MPV17L2: variants seen among roughly 807,000 people sequenced by gnomAD.
MPV17L2 encodes the protein mpv17-like protein 2.
In MPV17L2, 25 loss-of-function variants were observed where a neutral mutation model predicts 24.2. The observed-to-expected ratio is 1.03, with a 90% confidence interval of 0.75 to 1.44. The LOEUF is 1.44. Among genes scored for constraint, MPV17L2 ranks in the 40% most tolerant of loss-of-function variants. MPV17L2 has a pLI of 0.00. For synonymous variants in MPV17L2, 130 were observed against 121.4 expected (o/e 1.07, Z -0.46); for missense variants, 271 against 276.2 (o/e 0.98, Z 0.13).
In MPV17L2 at chr19:18,196,617, T is replaced by A; in HGVS notation, c.*562T>A. 1 of 410,032 alleles carries A rather than the reference T, an allele frequency of 2.4e-6. No homozygotes were observed. The highest frequency in any genetic ancestry group is 4.4e-6 in the Non-Finnish European group (1 of 229,754). The allele number at this position is 410,032 out of a possible 1,614,324, so 25.4% of individuals were successfully genotyped here. On this transcript the variant is annotated 3_prime_UTR_variant, in exon 5 of 5. Coordinates refer to ENST00000599612, the MANE Select transcript of MPV17L2 (RefSeq NM_032683.3). ...GGCTGGGCGCAGTGGCTCCCACCTGTAATCTCAGCCCTTCCCGAGGCTGAG... is the reference window on the plus strand; with the variant it reads ...GGCTGGGCGCAGTGGCTCCCACCTGAAATCTCAGCCCTTCCCGAGGCTGAG...
At chr19:18,195,791 C>T (rs764536947) in intron 4 of MPV17L2, among the ~76,000 whole-genome samples, 5 of 152,202 alleles carry the variant, frequency 3.3e-5, no homozygotes, top group Non-Finnish European at 5.9e-5. Context: ...GAGCCGAGAT[C>T]GCGCCACTGC....
chr19:18,193,508 C>A, intron 1 of MPV17L2, 40 bp downstream of exon 1: 1 of 1,439,282 alleles, frequency 6.9e-7, no homozygotes. Context: ...CCCCGGGCGA[C>A]CTTTGATCCC....
chr19:18,195,591 TG>T (rs926140859), intron 4 of MPV17L2, among the ~76,000 whole-genome samples: 3 of 150,210 alleles, frequency 2.0e-5, no homozygotes, highest in African/African-American at 7.4e-5. Context: ...CCCAGCACTT[TG>T]GGAGGCCGAG....
chr19:18,196,020 C>G lies in MPV17L2; in HGVS notation c.586C>G (p.Pro196Ala), dbSNP rs369708712. 169 of 1,612,826 alleles carry G rather than the reference C, an allele frequency of 1.0e-4. 1 individual carries two copies. The East Asian group carries it at 2.6e-3, about 25-fold the overall frequency. Residue 196 changes from proline to alanine, a missense_variant, in exon 5 of 5, where the codon CCA (proline) becomes GCA (alanine). Pro to Ala is a conservative substitution (Grantham distance 27, BLOSUM62 -1). Coordinates refer to ENST00000599612, the MANE Select transcript of MPV17L2 (RefSeq NM_032683.3). ...ACAGAGCCCAGTTCCTCTGACACCC[C>G]CAGGCTGTGTGGCCCTGGACACCCG... ...KYRSPVPLTP[P>A]GCVALDTRAD
chr19:18,193,559 A>C (rs1463824365), intron 1 of MPV17L2, 91 bp downstream of exon 1: 46 of 1,411,950 alleles, frequency 3.3e-5, no homozygotes, highest in Non-Finnish European at 4.1e-5. Context: ...CCGTGGCCTC[A>C]GTCCCCCGCA....
At position 18,193,942 on chromosome 19, in the gene MPV17L2, C is replaced by T. The variant is rs753746074; in HGVS notation, c.266C>T (p.Ala89Val). ...WYLSLDRLFPASGLRGFPNVL... is the reference protein window; with the variant it reads ...WYLSLDRLFPVSGLRGFPNVL... ...TTGTCGCTGGACCGCCTATTCCCTG[C>T]GTCTGGCCTCCGAGGCTTCCCAAAT... is the stretch of plus-strand genomic sequence containing the variant. Residue 89 changes from alanine to valine, a missense_variant, in exon 2 of 5, where the codon GCG (alanine) becomes GTG (valine). Transcript: ENST00000599612. 1.9e-6 allele frequency: 3 copies of T among 1,614,234 alleles called. No individual in the cohort carries two copies. The highest frequency in any genetic ancestry group is 2.5e-6 in the Non-Finnish European group (3 of 1,180,036).
At position 18,196,224 on chromosome 19, in the gene MPV17L2, TGA is replaced by T; in HGVS notation, c.*171_*172del. ...CCCTTTCCAAGCTCACTTCTGGGAC[TGA>T]GTTTCCTCAACCGGAACACACCCAT... On this transcript the variant is annotated 3_prime_UTR_variant, in exon 5 of 5. Transcript: ENST00000599612. 1.3e-6 allele frequency: 2 copies of T among 1,532,336 alleles called. No homozygotes were observed. Among genetic ancestry groups the T allele is most frequent in the Non-Finnish European group, 1.7e-6 (2 of 1,143,892 alleles). The allele number at this position is 1,532,336 out of a possible 1,614,324, so 94.9% of individuals were successfully genotyped here.
In MPV17L2 at chr19:18,193,287, G is replaced by T; in HGVS notation, c.6G>T (p.Ala2=). The T allele has an allele frequency of 6.5e-7, 1 of 1,539,910 alleles. No individual in the cohort carries two copies. ...TTCCTTGGTTCCTGAGGGCGATGGC[G>T]CGGGGTGGCTGGCGCCGGCTACGCC... M[A]RGGWRRLRRL... is the part of the protein sequence containing the mutation. Residue 2 remains alanine, a synonymous_variant, in exon 1 of 5, where the codon GCG becomes GCT. Transcript: ENST00000599612.
intron 2 of MPV17L2, among the ~76,000 whole-genome samples, 155 bp from the exon 3 acceptor site, chr19:18,194,622 T>C (rs1967477739): frequency 6.6e-6 from 1 of 152,202 alleles, no homozygotes; most frequent in South Asian, 2.1e-4. Flanking sequence ...CCTAATTCTC[T>C]GTCCATCCCA....
Position 18,193,371 on chromosome 19 carries a change from G to A in MPV17L2, c.90G>A (p.Thr30=), listed in dbSNP as rs746796763. ...FQGRALLVTN[T]LGCGALMAAG... ...GCCGCGCGCTGCTCGTCACTAACACGCTGGGCTGCGGCGCGCTCATGGCGG... is the reference window on the plus strand; with the variant it reads ...GCCGCGCGCTGCTCGTCACTAACACACTGGGCTGCGGCGCGCTCATGGCGG... Residue 30 remains threonine (T), a synonymous_variant, in exon 1 of 5, where the codon ACG becomes ACA. Coordinates refer to ENST00000599612, the MANE Select transcript of MPV17L2 (RefSeq NM_032683.3). The A allele has an allele frequency of 6.4e-7, 1 of 1,568,802 alleles. No homozygotes were observed. The highest frequency in any genetic ancestry group is 8.6e-7 in the Non-Finnish European group (1 of 1,163,404).
In MPV17L2 at chr19:18,196,058, TG is replaced by T; in HGVS notation, c.*4del. 1 of 1,614,128 alleles carries T rather than the reference TG, an allele frequency of 6.2e-7. No individual in the cohort carries two copies. The highest frequency in any genetic ancestry group is 8.5e-7 in the Non-Finnish European group (1 of 1,179,980). ...CCCTGGACACCCGAGCAGACTGAACTGTCTGCTTCCTGGACCAGATGCAAGA... is the reference window on the plus strand; with the variant it reads ...CCCTGGACACCCGAGCAGACTGAACTTCTGCTTCCTGGACCAGATGCAAGA... On this transcript the variant is annotated 3_prime_UTR_variant, in exon 5 of 5. Coordinates refer to ENST00000599612, the MANE Select transcript of MPV17L2 (RefSeq NM_032683.3).
chr19:18,194,525 C>T (rs1408074448), intron 2 of MPV17L2, among the ~76,000 whole-genome samples: 1 of 152,216 alleles, frequency 6.6e-6, no homozygotes, highest in Admixed American at 6.5e-5. Flanking sequence ...TTCAGGGTGT[C>T]TCCATTGGGG....
intron 4 of MPV17L2, 141 bp downstream of exon 4, chr19:18,195,227 G>A: frequency 1.5e-6 from 2 of 1,375,244 alleles, no homozygotes; most frequent in Non-Finnish European, 1.9e-6. Flanking sequence ...CAGTGGGCTG[G>A]CGGAGAGCTC....
chr19:18,193,440 C>T lies in MPV17L2; in HGVS notation c.159C>T (p.Pro53=), dbSNP rs750985091. ...AGTCCTGGGAGATCCGCGCCCGGCC[C>T]GGCCAGGTTTTCGACCCACGGCGCT... ...VRQSWEIRAR[P]GQVFDPRRSA... Residue 53 remains proline, a synonymous_variant, in exon 1 of 5, where the codon CCC becomes CCT. Transcript: ENST00000599612. The T allele has an allele frequency of 8.4e-6, 13 of 1,545,300 alleles. No homozygotes were observed. The Admixed American group carries it at 9.8e-5, about 12-fold the overall frequency.
chr19:18,193,383 C>A lies in MPV17L2; in HGVS notation c.102C>A (p.Gly34=). The part of the protein sequence containing the change: ...ALLVTNTLGC[G]ALMAAGDGVR... ...TCGTCACTAACACGCTGGGCTGCGG[C>A]GCGCTCATGGCGGCCGGTGATGGCG... Residue 34 remains glycine, a synonymous_variant, in exon 1 of 5, where the codon GGC becomes GGA. Coordinates refer to ENST00000599612, the MANE Select transcript of MPV17L2 (RefSeq NM_032683.3). 6.4e-7 allele frequency: 1 copy of A among 1,568,222 alleles called. No homozygotes were observed. The highest frequency in any genetic ancestry group is 1.8e-5 in the Admixed American group (1 of 55,910).
chr19:18,195,063 T>TA lies in MPV17L2; in HGVS notation c.542dup (p.Tyr181Ter), dbSNP rs1555818327. 1 of 1,614,126 alleles carries TA rather than the reference T, an allele frequency of 6.2e-7. No homozygotes were observed. The highest frequency in any genetic ancestry group is 1.7e-5 in the Admixed American group (1 of 60,012). ...CGGCCTGACGCTGGGCTGGGACACGTACCTGTCCTACTTGAAGTACCGGGT... is the reference window on the plus strand; with the variant it reads ...CGGCCTGACGCTGGGCTGGGACACGTAACCTGTCCTACTTGAAGTACCGGGT... Reference protein sequence around the residue: ...INGLTLGWDTYLSYLKYRSPV... With the variant: ...INGLTLGWDT Residue 181 changes from tyrosine (Y) to a stop codon, truncating the protein, a stop_gained and frameshift_variant, in exon 4 of 5, where the codon TAC becomes TAAC. Coordinates refer to ENST00000599612, the MANE Select transcript of MPV17L2 (RefSeq NM_032683.3). LOFTEE classifies it high-confidence loss of function.
At position 18,196,522 on chromosome 19, in the gene MPV17L2, G is replaced by A; in HGVS notation, c.*467G>A. 9.9e-7 allele frequency: 1 copy of A among 1,010,794 alleles called. No individual in the cohort carries two copies. The highest frequency in any genetic ancestry group is 1.3e-6 in the Non-Finnish European group (1 of 751,976). 62.6% of individuals were successfully genotyped at this position (1,010,794 alleles called of 1,614,324 possible). On this transcript the variant is annotated 3_prime_UTR_variant, in exon 5 of 5. Coordinates refer to ENST00000599612, the MANE Select transcript of MPV17L2 (RefSeq NM_032683.3). ...TTTCACATAGGGCCAGGCAGCCTCTGTGTTTCTTTCCCTGGTCCTGAACTG... is the reference window on the plus strand; with the variant it reads ...TTTCACATAGGGCCAGGCAGCCTCTATGTTTCTTTCCCTGGTCCTGAACTG...
chr19:18,195,535 CA>C (rs555101737), intron 4 of MPV17L2, among the ~76,000 whole-genome samples: 29 of 135,612 alleles, frequency 2.1e-4, no homozygotes, highest in South Asian at 2.3e-4. Context: ...GACTCCGTTT[CA>C]AAAAAAAAAG....
At chr19:18,193,564 C>T in intron 1 of MPV17L2, 96 bp downstream of exon 1, 5 of 1,410,618 alleles carry the variant, frequency 3.5e-6, no homozygotes, top group Non-Finnish European at 4.6e-6. Flanking sequence ...GCCTCAGTCC[C>T]CCGCAGGACC....
Sources: allele counts gnomAD v4.1 joint callset (sites outside exome capture counted in the v4.1 genomes callset), GRCh38; gene constraint gnomAD v4.1.1; transcripts MANE v1.5; gene names NCBI Gene and HGNC (gene_info 2026-07-23, HGNC 2026-07-21).